The following SRP54 variants were observed in gnomAD, a reference collection of about 807,000 sequenced individuals.
The protein encoded by SRP54 is signal recognition particle subunit SRP54.
Under a neutral mutation model 64.8 loss-of-function variants are expected in SRP54, and 10 were observed. The observed-to-expected ratio is 0.15, with a 90% CI of 0.10 to 0.26. The LOEUF is 0.26. Among genes scored for constraint, SRP54 ranks in the 10% least tolerant of loss-of-function variants. SRP54 has a pLI of 1.00. For synonymous variants in SRP54, 193 were observed against 185.6 expected, an observed-to-expected ratio of 1.04 and a Z score of -0.32; for missense variants, 325 against 613.7, an observed-to-expected ratio of 0.53 and a Z score of 4.97.
At chr14:34,996,405 T>C (rs560866607) in intron 1 of SRP54, among the ~76,000 whole-genome samples, 1 of 152,336 alleles carries the variant, frequency 6.6e-6, no homozygotes, top group South Asian at 2.1e-4. Context: ...AATGTGAGAT[T>C]ATGTCATTAT....
At chr14:34,986,529 T>C (rs1481036016) in intron 1 of SRP54, among the ~76,000 whole-genome samples, 1 of 152,146 alleles carries the variant, frequency 6.6e-6, no homozygotes, top group Non-Finnish European at 1.5e-5. Context: ...TTCCCTTGAC[T>C]TAAAAAATAG....
Position 35,018,848 on chromosome 14 carries a change from C to T in SRP54, c.1047+83C>T, listed in dbSNP as rs981135634. On this transcript the variant is annotated intron_variant, in intron 12 of 15. Transcript: ENST00000216774. The stretch of plus-strand genomic sequence containing the variant: ...GATACACTTGCTTTAATTATTTTTA[C>T]ATTCGGGTAAAAATATATCTAAGAC... 9.0e-6 allele frequency: 13 copies of T among 1,447,558 alleles called. No individual in the cohort carries two copies. The African/African-American group carries it at 1.9e-4, about 21-fold the overall frequency. The allele number at this position is 1,447,558 out of a possible 1,614,324, so 89.7% of individuals were successfully genotyped here.
intron 1 of SRP54, among the ~76,000 whole-genome samples, chr14:34,986,130 C>CT (rs145956462): frequency 0.078 from 11,835 of 151,186 alleles, 597 homozygotes; most frequent in Non-Finnish European, 0.12. Flanking sequence ...TGCTAATTGA[C>CT]TTTTTTTTTG....
chr14:35,007,303 G>A lies in SRP54; in HGVS notation c.276G>A (p.Lys92=). The A allele has an allele frequency of 1.3e-6, 2 of 1,589,068 alleles. No individual in the cohort carries two copies. The highest frequency in any genetic ancestry group is 1.1e-5 in the South Asian group (1 of 87,998). ...ELVKLVDPGV[K]AWTPTKGKQN... ...TTTAGCTTGTAGACCCTGGAGTTAA[G>A]GCATGGACACCCACTAAAGGAAAAC... Residue 92 remains lysine, a synonymous_variant, in exon 5 of 16, where the codon AAG becomes AAA. Transcript: ENST00000216774.
In SRP54 at chr14:35,023,128, AGTTGAGAAAAAAGAGTGCTGCCAG is replaced by A. The variant is rs748926292; in HGVS notation, c.1327+49_1327+72del. 2.1e-5 allele frequency: 31 copies of A among 1,483,782 alleles called. No individual in the cohort carries two copies. In the East Asian group the frequency reaches 7.0e-4, roughly 34 times the overall value. 91.9% of individuals were successfully genotyped at this position (1,483,782 alleles called of 1,614,324 possible). ...TAGTTAACAGACGGAAAAGAAAGGA[AGTTGAGAAAAAAGAGTGCTGCCAG>A]TATTGGAAAATTCACAGCTGAATTT... On this transcript the variant is annotated intron_variant, in intron 14 of 15. Transcript: ENST00000216774.
Position 34,993,599 on chromosome 14 carries a change from C to T in SRP54, c.-33-3078C>T, listed in dbSNP as rs189242507. 3.0e-3 allele frequency among the ~76,000 whole-genome samples: 459 copies of T among 152,136 alleles called. 3 individuals carry two copies. The highest frequency in any genetic ancestry group is 0.011 in the African/African-American group (443 of 41,522). ...TGATAGGTCCTCAAATGCATTTTCC[C>T]TTCCTGCCTTTTTATGATTCCTCTC... On this transcript the variant is annotated intron_variant, in intron 1 of 15. Transcript: ENST00000216774.
chr14:34,985,157 TC>T (rs1189321697), intron 1 of SRP54, among the ~76,000 whole-genome samples: 2 of 152,250 alleles, frequency 1.3e-5, no homozygotes, highest in Admixed American at 6.5e-5. Flanking sequence ...ATGGCGAAAC[TC>T]CCTGTCTCAA....
intron 11 of SRP54, among the ~76,000 whole-genome samples, chr14:35,015,759 C>T (rs2044428507): frequency 6.6e-6 from 1 of 152,188 alleles, no homozygotes; most frequent in South Asian, 2.1e-4. Flanking sequence ...TATTCTGCCT[C>T]TTTGCTTCTT....
At chr14:35,017,971 G>A (rs2044469724) in intron 11 of SRP54, among the ~76,000 whole-genome samples, 1 of 152,014 alleles carries the variant, frequency 6.6e-6, no homozygotes, top group African/African-American at 2.4e-5. Context: ...AAAATCCAGT[G>A]GCATGCATCC....
intron 1 of SRP54, chr14:34,993,425 T>C (rs947189385): frequency 5.9e-5 from 9 of 152,184 alleles, no homozygotes; most frequent in African/African-American, 1.4e-4. Context: ...AACAATGTAA[T>C]TGTAAAAAAA....
intron 8 of SRP54, 149 bp from the exon 9 acceptor site, chr14:35,013,197 C>T: frequency 3.1e-6 from 2 of 651,982 alleles, no homozygotes; most frequent in Admixed American, 5.9e-5. Flanking sequence ...TCAGGTGATC[C>T]ACCTGGCTCG....
chr14:34,985,078 C>G (rs972925427), intron 1 of SRP54, among the ~76,000 whole-genome samples: 18 of 152,160 alleles, frequency 1.2e-4, no homozygotes, highest in African/African-American at 4.3e-4. Flanking sequence ...CGCCTGTAAT[C>G]CCAATACTTT....
chr14:35,029,353 G>T lies in SRP54; in HGVS notation c.*201G>T. On this transcript the variant is annotated 3_prime_UTR_variant, in exon 16 of 16. Coordinates refer to ENST00000216774, the MANE Select transcript of SRP54 (RefSeq NM_003136.4). ...CCTTTAATATAAGGGAGAAATACAT[G>T]GTTTTTGTGGAAATCATTATATGTT... 3 of 411,614 alleles carry T rather than the reference G, an allele frequency of 7.3e-6. No individual in the cohort carries two copies. Among genetic ancestry groups the T allele is most frequent in the South Asian group, 4.9e-5 (1 of 20,552 alleles). The allele number at this position is 411,614 out of a possible 1,614,324, so 25.5% of individuals were successfully genotyped here. A position where few individuals can be genotyped will look rare whatever the true frequency, so the allele number is the denominator to read the frequency against.
chr14:35,014,204 A>G (rs2044400496), intron 10 of SRP54, among the ~76,000 whole-genome samples: 1 of 151,748 alleles, frequency 6.6e-6, no homozygotes, highest in Admixed American at 6.6e-5. Context: ...TGGTATAGTT[A>G]GAGAGCATGG....
chr14:34,992,419 A>G (rs931929652), intron 1 of SRP54, among the ~76,000 whole-genome samples: 2 of 152,316 alleles, frequency 1.3e-5, no homozygotes, highest in Non-Finnish European at 2.9e-5. Context: ...ACCAGTTAAC[A>G]TGGAAAGTTA....
chr14:34,996,099 C>T (rs1159325024), intron 1 of SRP54, among the ~76,000 whole-genome samples: 1 of 151,482 alleles, frequency 6.6e-6, no homozygotes. Flanking sequence ...TAATATACCT[C>T]TTTCCTTTGT....
At chr14:34,984,966 G>T (rs2043871229) in intron 1 of SRP54, among the ~76,000 whole-genome samples, 1 of 149,548 alleles carries the variant, frequency 6.7e-6, no homozygotes, top group South Asian at 2.1e-4. Flanking sequence ...TATAAAAGCA[G>T]TGATTGTCAG....
At chr14:34,985,111 G>T (rs2043873432) in intron 1 of SRP54, among the ~76,000 whole-genome samples, 1 of 152,130 alleles carries the variant, frequency 6.6e-6, no homozygotes, top group South Asian at 2.1e-4. Flanking sequence ...CTGGCAGATT[G>T]CTTTAGCTCA....
chr14:35,023,134 G>GA, intron 14 of SRP54, 54 bp downstream of exon 14: 2 of 1,437,598 alleles, frequency 1.4e-6, no homozygotes, highest in South Asian at 1.3e-5. Flanking sequence ...AGGAAGTTGA[G>GA]AAAAAAGAGT....
Sources: gnomAD v4.1 joint callset for allele counts (sites outside exome capture counted in the v4.1 genomes callset) on GRCh38, gnomAD v4.1.1 for gene constraint, MANE v1.5 for transcripts, NCBI Gene and HGNC (gene_info 2026-07-23, HGNC 2026-07-21) for gene names.